CELF2: variants seen among roughly 807,000 people sequenced by gnomAD.
The protein encoded by CELF2 is CUGBP Elav-like family member 2.
A neutral mutation model predicts 62.6 loss-of-function variants in CELF2; 8 were observed. The observed-to-expected ratio is 0.13, with a 90% CI of 0.07 to 0.23. CELF2 has a LOEUF of 0.23. Among genes scored for constraint, CELF2 ranks in the 10% least tolerant of loss-of-function variants. The pLI, the probability that CELF2 is intolerant of heterozygous loss-of-function variation, is 1.00. For missense variants in CELF2, 333 were observed against 671.0 expected (o/e 0.50, Z 5.56); for synonymous variants, 258 against 250.0 (o/e 1.03, Z -0.30).
chr10:11,261,751 G>A (rs981630557), intron 5 of CELF2, among the ~76,000 whole-genome samples: 1 of 152,352 alleles, frequency 6.6e-6, no homozygotes, highest in South Asian at 2.1e-4. Flanking sequence ...TGCAGCAGCT[G>A]CTCAGCCTCT....
the CELF2 span, among the ~76,000 whole-genome samples, chr10:10,698,578 C>T: frequency 6.6e-6 from 1 of 152,182 alleles, no homozygotes; most frequent in African/African-American, 2.4e-5. Context: ...TCTCAGTAAA[C>T]TGCAGGTCTG....
the CELF2 span, among the ~76,000 whole-genome samples, chr10:10,679,177 G>A: frequency 2.0e-5 from 3 of 152,216 alleles, no homozygotes; most frequent in South Asian, 2.1e-4. Flanking sequence ...AGGAGATGGT[G>A]CAGTATGATA....
intron 5 of CELF2, among the ~76,000 whole-genome samples, chr10:11,265,137 C>A (rs573884893): frequency 1.3e-5 from 2 of 152,248 alleles, no homozygotes; most frequent in South Asian, 4.1e-4. Context: ...TCGTGCAGAG[C>A]AAAAGAAGAA....
At chr10:10,559,957 C>T in the CELF2 span, among the ~76,000 whole-genome samples, 18 of 152,270 alleles carry the variant, frequency 1.2e-4, no homozygotes, top group African/African-American at 3.9e-4. Context: ...TGATGACTCC[C>T]TGTACTTCTG....
chr10:10,914,644 G>C (rs11256901), intron 1 of CELF2, among the ~76,000 whole-genome samples: 11,599 of 152,098 alleles, frequency 0.076, 1,085 homozygotes, highest in African/African-American at 0.22. Flanking sequence ...ACCAACGATG[G>C]TGTGGTGTTA....
chr10:11,189,229 A>T (rs1197187501), intron 2 of CELF2, among the ~76,000 whole-genome samples: 2 of 152,148 alleles, frequency 1.3e-5, no homozygotes, highest in Non-Finnish European at 2.9e-5. Flanking sequence ...ACTCATGTGC[A>T]TTGATCATCA....
the CELF2 span, among the ~76,000 whole-genome samples, chr10:10,726,464 A>G: frequency 1.3e-5 from 2 of 152,216 alleles, no homozygotes; most frequent in Non-Finnish European, 2.9e-5. Flanking sequence ...TAATTAAGGC[A>G]AAAAGAAAAC....
At chr10:10,785,977 G>A in the CELF2 span, among the ~76,000 whole-genome samples, 102 of 152,190 alleles carry the variant, frequency 6.7e-4, no homozygotes, top group African/African-American at 2.3e-3. Context: ...ATATCAAAAT[G>A]TCAGGTTGTA....
the CELF2 span, among the ~76,000 whole-genome samples, chr10:10,731,011 G>A: frequency 2.8e-4 from 42 of 152,128 alleles, no homozygotes; most frequent in Admixed American, 9.2e-4. Flanking sequence ...GAGTGGCTAC[G>A]AATATTTCCC....
the CELF2 span, among the ~76,000 whole-genome samples, chr10:10,554,953 T>C: frequency 2.0e-5 from 3 of 151,682 alleles, no homozygotes; most frequent in East Asian, 3.9e-4. Context: ...GAAAGCAGAG[T>C]GTATGTATTT....
At chr10:11,170,279 T>G (rs1287960697) in intron 2 of CELF2, among the ~76,000 whole-genome samples, 1 of 152,160 alleles carries the variant, frequency 6.6e-6, no homozygotes, top group Non-Finnish European at 1.5e-5. Context: ...AACACAAAGT[T>G]TCAGAAATAG....
intron 2 of CELF2, among the ~76,000 whole-genome samples, chr10:11,206,263 A>G (rs942243737): frequency 6.6e-6 from 1 of 152,214 alleles, no homozygotes; most frequent in African/African-American, 2.4e-5. Flanking sequence ...CTGGCCTGGA[A>G]GCATCTAATA....
At chr10:10,777,061 G>A in the CELF2 span, among the ~76,000 whole-genome samples, 11 of 152,114 alleles carry the variant, frequency 7.2e-5, no homozygotes, top group Admixed American at 1.3e-4. Flanking sequence ...CCCGCCTCCC[G>A]ATTGTGGCAT....
chr10:10,648,705 A>T, the CELF2 span, among the ~76,000 whole-genome samples: 2 of 152,080 alleles, frequency 1.3e-5, no homozygotes, highest in Admixed American at 1.3e-4. Context: ...GTTGAAGAAT[A>T]TTTTACGGTT....
Position 11,331,706 on chromosome 10 carries a change from T to G in CELF2, c.*2653T>G, listed in dbSNP as rs2096025350. On this transcript the variant is annotated 3_prime_UTR_variant, in exon 13 of 13. Transcript: ENST00000633077. ...TATTGTTTGTTATTTCTCTCTGATG[T>G]TTTTTGTAAGACATTGTATAAGTGC... 6.6e-6 allele frequency: 1 copy of G among 152,644 alleles called. No individual in the cohort carries two copies. The highest frequency in any genetic ancestry group is 1.5e-5 in the Non-Finnish European group (1 of 68,022). 9.5% of individuals were successfully genotyped at this position (152,644 alleles called of 1,614,324 possible).
At chr10:10,954,999 C>T (rs991988945) in intron 2 of CELF2, among the ~76,000 whole-genome samples, 1 of 152,224 alleles carries the variant, frequency 6.6e-6, no homozygotes, top group Admixed American at 6.5e-5. Flanking sequence ...AATAGCTTAG[C>T]AATTTTATTT....
the CELF2 span, among the ~76,000 whole-genome samples, chr10:10,769,720 C>T: frequency 1.3e-5 from 2 of 152,010 alleles, no homozygotes; most frequent in Non-Finnish European, 2.9e-5. Context: ...GCTGAGATCA[C>T]ACCACTGCAC....
At chr10:10,526,971 G>A in the CELF2 span, among the ~76,000 whole-genome samples, 26 of 152,268 alleles carry the variant, frequency 1.7e-4, no homozygotes, top group Admixed American at 6.5e-5. Flanking sequence ...ATCAGCAGCA[G>A]CAGTTTGAGC....
chr10:11,320,803 T>C, intron 10 of CELF2: 8 of 1,502,932 alleles, frequency 5.3e-6, no homozygotes, highest in Middle Eastern at 1.7e-4. Flanking sequence ...AGTGTACAGA[T>C]GTTACAGGCC....
Sources: gnomAD v4.1 joint callset for allele counts (sites outside exome capture counted in the v4.1 genomes callset) on GRCh38, gnomAD v4.1.1 for gene constraint, MANE v1.5 for transcripts, NCBI Gene and HGNC (gene_info 2026-07-23, HGNC 2026-07-21) for gene names.